SEL1L3: variants seen among roughly 807,000 people sequenced by gnomAD.
SEL1L3 encodes the protein protein sel-1 homolog 3.
SEL1L3 carries 76 observed loss-of-function variants against 142.8 expected under a neutral mutation model. That is an observed-to-expected ratio of 0.53 (90% confidence interval 0.44 to 0.64). SEL1L3 has a LOEUF of 0.64. SEL1L3 is among the 30% of genes least tolerant of loss of function. The pLI is 0.00. For missense variants in SEL1L3, 1,262 were observed against 1,381.7 expected (o/e 0.91, Z 1.37); for synonymous variants, 504 against 519.6 (o/e 0.97, Z 0.41).
chr4:25,827,521 G>C (rs183141451), intron 6 of SEL1L3, among the ~76,000 whole-genome samples: 1 of 152,248 alleles, frequency 6.6e-6, no homozygotes, highest in Non-Finnish European at 1.5e-5. Context: ...TGTGATCTTG[G>C]ACCTCTGCCC....
the SEL1L3 span, chr4:25,718,358 G>A: frequency 7.2e-5 from 11 of 152,144 alleles, no homozygotes; most frequent in African/African-American, 2.7e-4. Flanking sequence ...GTAAGGCAAG[G>A]TTAGTAAGAT....
At chr4:25,736,420 C>G in the SEL1L3 span, among the ~76,000 whole-genome samples, 1 of 151,826 alleles carries the variant, frequency 6.6e-6, no homozygotes, top group African/African-American at 2.4e-5. Context: ...GACAGGGTTT[C>G]ATCATGTTGG....
chr4:25,836,250 T>G (rs182557833), intron 2 of SEL1L3, among the ~76,000 whole-genome samples: 130 of 152,332 alleles, frequency 8.5e-4, no homozygotes, highest in African/African-American at 2.7e-3. Context: ...TCATCTATAC[T>G]TAATACCTAA....
rs752236997 is a variant in SEL1L3, at chr4:25,779,142, C to A, written c.2519G>T (p.Trp840Leu). Residue 840 changes from tryptophan (W) to leucine (L), a missense_variant, in exon 16 of 24, where the codon TGG becomes TTG. Trp to Leu is a moderately conservative substitution (Grantham distance 61). Coordinates refer to ENST00000399878, the MANE Select transcript of SEL1L3 (RefSeq NM_015187.5). Reference protein sequence around the residue: ...AQGGHMEGTLWCSLYYITGNL... With the variant: ...AQGGHMEGTLLCSLYYITGNL... ...GCCTGTGATATAGTAGAGAGAACAC[C>A]ACAAGGTCCCTTCCATGTGTCCACC... 1 of 1,613,650 alleles carries A rather than the reference C, an allele frequency of 6.2e-7. No individual in the cohort carries two copies. Among genetic ancestry groups the A allele is most frequent in the Non-Finnish European group, 8.5e-7 (1 of 1,179,642 alleles).
At chr4:25,736,598 T>C in the SEL1L3 span, among the ~76,000 whole-genome samples, 1 of 152,164 alleles carries the variant, frequency 6.6e-6, no homozygotes, top group Non-Finnish European at 1.5e-5. Context: ...GAGCGTTCCA[T>C]GTAACCTTGA....
chr4:25,780,561 G>T (rs921816420), intron 15 of SEL1L3, among the ~76,000 whole-genome samples: 1 of 151,564 alleles, frequency 6.6e-6, no homozygotes, highest in Non-Finnish European at 1.5e-5. Flanking sequence ...CCTTTGCACT[G>T]CCTGCTCCTT....
At chr4:25,836,463 A>G (rs1213570757) in intron 2 of SEL1L3, among the ~76,000 whole-genome samples, 1 of 152,060 alleles carries the variant, frequency 6.6e-6, no homozygotes, top group African/African-American at 2.4e-5. Flanking sequence ...CCTGGCCAAC[A>G]TGGTGAAACC....
chr4:25,854,914 C>T (rs1717154253), intron 1 of SEL1L3, among the ~76,000 whole-genome samples: 2 of 152,196 alleles, frequency 1.3e-5, no homozygotes, highest in South Asian at 4.1e-4. Context: ...AGAAGAGAAA[C>T]TTCGGGGTGG....
At chr4:25,840,822 A>C (rs1302862776) in intron 2 of SEL1L3, among the ~76,000 whole-genome samples, 2 of 152,134 alleles carry the variant, frequency 1.3e-5, no homozygotes, top group Non-Finnish European at 2.9e-5. Flanking sequence ...TCATCCTCAG[A>C]ATCCTACTCA....
intron 23 of SEL1L3, among the ~76,000 whole-genome samples, chr4:25,751,269 A>G (rs1278070059): frequency 6.6e-6 from 1 of 152,206 alleles, no homozygotes; most frequent in Non-Finnish European, 1.5e-5. Context: ...GAGATGCAAC[A>G]GGTGAGGAAA....
chr4:25,816,205 C>T (rs1219623015), intron 9 of SEL1L3, among the ~76,000 whole-genome samples: 1 of 149,608 alleles, frequency 6.7e-6, no homozygotes, highest in Admixed American at 6.7e-5. Flanking sequence ...TATACATACA[C>T]ATATATACCT....
At chr4:25,861,671 C>T (rs898136528) in intron 1 of SEL1L3, among the ~76,000 whole-genome samples, 8 of 143,934 alleles carry the variant, frequency 5.6e-5, no homozygotes, top group African/African-American at 2.1e-4. Context: ...TTTCCTATTA[C>T]ATCAGTTTCA....
At chr4:25,736,415 G>A in the SEL1L3 span, among the ~76,000 whole-genome samples, 1 of 151,548 alleles carries the variant, frequency 6.6e-6, no homozygotes, top group South Asian at 2.1e-4. Flanking sequence ...GGAGAGACAG[G>A]GTTTCATCAT....
chr4:25,769,724 AG>A (rs1440591155), intron 17 of SEL1L3, among the ~76,000 whole-genome samples: 4 of 152,172 alleles, frequency 2.6e-5, no homozygotes, highest in Non-Finnish European at 5.9e-5. Flanking sequence ...GGGATTGATG[AG>A]GAAAGGAGAC....
intron 2 of SEL1L3, among the ~76,000 whole-genome samples, chr4:25,839,887 C>T (rs2109297722): frequency 6.6e-6 from 1 of 152,310 alleles, no homozygotes; most frequent in South Asian, 2.1e-4. Flanking sequence ...GCCTCCCCAC[C>T]CTCGGCCTCC....
intron 17 of SEL1L3, among the ~76,000 whole-genome samples, chr4:25,769,699 T>C (rs767703249): frequency 3.4e-4 from 51 of 152,136 alleles, no homozygotes; most frequent in Admixed American, 1.2e-3. Context: ...TGCACTGGTG[T>C]CTCAGTTTCC....
At position 25,833,585 on chromosome 4, in the gene SEL1L3, G is replaced by T; in HGVS notation, c.861-16C>A. On this transcript the variant is annotated splice_polypyrimidine_tract_variant and intron_variant, in intron 3 of 23. Transcript: ENST00000399878. ...AACAGTAAACCTATAAGAGTGAGGGGGAAAAAAATTCTGCAGATTGATATC... is the reference window on the plus strand; with the variant it reads ...AACAGTAAACCTATAAGAGTGAGGGTGAAAAAAATTCTGCAGATTGATATC... The T allele has an allele frequency of 6.3e-7, 1 of 1,588,142 alleles. No individual in the cohort carries two copies. The highest frequency in any genetic ancestry group is 1.2e-5 in the South Asian group (1 of 86,160).
chr4:25,714,189 A>C, the SEL1L3 span, among the ~76,000 whole-genome samples: 1 of 152,154 alleles, frequency 6.6e-6, no homozygotes, highest in Non-Finnish European at 1.5e-5. Flanking sequence ...TTCATGTCAT[A>C]AAGTGAGGGG....
intron 18 of SEL1L3, 57 bp downstream of exon 18, chr4:25,767,683 C>A (rs1244125414): frequency 6.8e-7 from 1 of 1,478,408 alleles, no homozygotes; most frequent in Non-Finnish European, 9.3e-7. Context: ...TCCATAAAAC[C>A]CAATTCATTA....
Sources: gnomAD v4.1 joint callset for allele counts (sites outside exome capture counted in the v4.1 genomes callset) on GRCh38, gnomAD v4.1.1 for gene constraint, MANE v1.5 for transcripts, NCBI Gene and HGNC (gene_info 2026-07-23, HGNC 2026-07-21) for gene names.